FAM193A: variants seen among roughly 807,000 people sequenced by gnomAD.
The protein encoded by FAM193A is family with sequence similarity 193 member A.
A neutral mutation model predicts 126.5 loss-of-function variants in FAM193A; 22 were observed. The observed-to-expected ratio is 0.17, with a 90% confidence interval of 0.12 to 0.25. The LOEUF (loss-of-function observed/expected upper bound fraction) is 0.25. FAM193A is among the 10% of genes least tolerant of loss of function. The pLI is 1.00. For synonymous variants in FAM193A, 761 were observed against 646.8 expected (o/e 1.18, Z -2.68); for missense variants, 1,675 against 1,672.8 (o/e 1.00, Z -0.02).
chr4:2,569,962 T>C (rs1056686465), intron 1 of FAM193A, among the ~76,000 whole-genome samples: 1 of 152,138 alleles, frequency 6.6e-6, no homozygotes, highest in Non-Finnish European at 1.5e-5. Flanking sequence ...GACCATAATT[T>C]GATTTCGTCT....
At chr4:2,575,609 G>A (rs113863592) in intron 1 of FAM193A, among the ~76,000 whole-genome samples, 20 of 150,808 alleles carry the variant, frequency 1.3e-4, no homozygotes, top group African/African-American at 4.4e-4. Flanking sequence ...TGGGATTACA[G>A]GCGCCCACCA....
Position 2,626,451 on chromosome 4 carries a change from A to G in FAM193A, c.677A>G (p.Gln226Arg). 1.4e-6 allele frequency: 1 copy of G among 700,898 alleles called. No individual in the cohort carries two copies. The highest frequency in any genetic ancestry group is 2.6e-6 in the Non-Finnish European group (1 of 383,312). The allele number at this position is 700,898 out of a possible 1,614,324, so 43.4% of individuals were successfully genotyped here. A position where few individuals can be genotyped will look rare whatever the true frequency, so the allele number is the denominator to read the frequency against. ...GCGGACCGGGAACCTCAGCAGCTGC[A>G]GAACTACTGGTCAGAAGTGCGCTAC... ...AEADREPQQL[Q>R]NYWSEVRYTV... The change falls in exon 4 of 21, where the codon CAG becomes CGG. Residue 226 changes from glutamine to arginine, a missense_variant. Around this residue, in one of 4 missense-constraint regions of FAM193A, gnomAD observed 1,186 missense variants for 1,109.2 expected, o/e 1.07. Coordinates refer to ENST00000637812, the MANE Select transcript of FAM193A (RefSeq NM_001366318.2).
chr4:2,718,987 C>T (rs1225836606), intron 20 of FAM193A, among the ~76,000 whole-genome samples: 1 of 152,042 alleles, frequency 6.6e-6, no homozygotes, highest in Non-Finnish European at 1.5e-5. Flanking sequence ...AACTTTCAGA[C>T]TTTGAAAGAA....
chr4:2,598,947 C>T (rs545670004), intron 2 of FAM193A, among the ~76,000 whole-genome samples: 9 of 152,322 alleles, frequency 5.9e-5, no homozygotes, highest in African/African-American at 2.2e-4. Flanking sequence ...GCGAGCCCAC[C>T]TCTGCCCGGT....
chr4:2,576,112 T>A (rs974485333), intron 1 of FAM193A, among the ~76,000 whole-genome samples: 2 of 150,182 alleles, frequency 1.3e-5, no homozygotes, highest in African/African-American at 2.4e-5. Context: ...TTATTTATTT[T>A]TTGAGATGGA....
intron 6 of FAM193A, 117 bp downstream of exon 6, chr4:2,639,976 A>C (rs1395564665): frequency 1.1e-5 from 11 of 1,005,406 alleles, no homozygotes; most frequent in Non-Finnish European, 1.4e-5. Context: ...GAAAAATAAC[A>C]GGGCTTAAAG....
At chr4:2,731,475 C>G (rs1721384593) in intron 20 of FAM193A, among the ~76,000 whole-genome samples, 1 of 152,092 alleles carries the variant, frequency 6.6e-6, no homozygotes. Context: ...TATGAGCCAC[C>G]ACACCCTGCC....
In FAM193A at chr4:2,626,414, A is replaced by G; in HGVS notation, c.640A>G (p.Ile214Val). 1.4e-6 allele frequency: 1 copy of G among 698,976 alleles called. No individual in the cohort carries two copies. The highest frequency in any genetic ancestry group is 2.6e-6 in the Non-Finnish European group (1 of 381,668). The allele number at this position is 698,976 out of a possible 1,614,324, so 43.3% of individuals were successfully genotyped here. A position where few individuals can be genotyped will look rare whatever the true frequency, so the allele number is the denominator to read the frequency against. Residue 214 changes from isoleucine (I) to valine (V), a missense_variant, in exon 4 of 21, where the codon ATT becomes GTT. This residue lies in a region of FAM193A where 1,186 missense variants were observed against 1,109.2 expected (regional missense o/e 1.07). Transcript: ENST00000637812. ...CCTTCCTGTGTTGTCTCACAGAGAA[A>G]TTTCGGCAGAGGCGGACCGGGAACC... ...SCEACSERRE[I>V]SAEADREPQQ...
intron 1 of FAM193A, among the ~76,000 whole-genome samples, chr4:2,559,223 C>A (rs1473817940): frequency 6.6e-6 from 1 of 152,124 alleles, no homozygotes; most frequent in African/African-American, 2.4e-5. Context: ...ATGCATAGAA[C>A]TTCAGAACTG....
At chr4:2,633,423 A>G in intron 5 of FAM193A, among the ~76,000 whole-genome samples, 1 of 152,032 alleles carries the variant, frequency 6.6e-6, no homozygotes. Flanking sequence ...ACAAAATAAA[A>G]AAGAAATAAT....
At chr4:2,571,923 C>T (rs1014428474) in intron 1 of FAM193A, among the ~76,000 whole-genome samples, 50 of 151,350 alleles carry the variant, frequency 3.3e-4, no homozygotes, top group Admixed American at 5.3e-4. Flanking sequence ...CCCAGCACTT[C>T]GAGAGGCTGA....
At position 2,701,367 on chromosome 4, in the gene FAM193A, T is replaced by G. The variant is rs572369265; in HGVS notation, c.4372+823T>G. Among the ~76,000 whole-genome samples, 264 of 152,186 alleles carry G rather than the reference T, an allele frequency of 1.7e-3. 1 individual carries two copies. Among genetic ancestry groups the G allele is most frequent in the Non-Finnish European group, 3.2e-3 (215 of 68,008 alleles). ...CCCATGTCGTATCTCTTTAATTTCC[T>G]TTCCTTTGGATCGGTTTCTCTGTTT... On this transcript the variant is annotated intron_variant, in intron 19 of 20. Transcript: ENST00000637812.
At chr4:2,566,204 C>T (rs568660654) in intron 1 of FAM193A, among the ~76,000 whole-genome samples, 49 of 152,182 alleles carry the variant, frequency 3.2e-4, no homozygotes, top group Admixed American at 2.8e-3. Flanking sequence ...CCCGCCACCT[C>T]GCCCGGCTAA....
chr4:2,591,324 G>C (rs543978163), intron 1 of FAM193A, among the ~76,000 whole-genome samples: 1 of 152,262 alleles, frequency 6.6e-6, no homozygotes, highest in Non-Finnish European at 1.5e-5. Flanking sequence ...CTGACCAAGG[G>C]CCTGGTGTAT....
At chr4:2,700,578 C>G (rs369620268) in intron 19 of FAM193A, 34 bp downstream of exon 19, 1 of 1,581,304 alleles carries the variant, frequency 6.3e-7, no homozygotes, top group Admixed American at 1.8e-5. Context: ...TATTTCTGAG[C>G]GATGCCTGGT....
chr4:2,636,015 A>C (rs1382205602), intron 5 of FAM193A, among the ~76,000 whole-genome samples: 4 of 132,926 alleles, frequency 3.0e-5, no homozygotes, highest in Admixed American at 2.8e-4. Context: ...TTTTTTTTTG[A>C]GACGGAGTCT....
intron 20 of FAM193A, among the ~76,000 whole-genome samples, chr4:2,720,896 G>A (rs989401833): frequency 9.9e-5 from 15 of 152,170 alleles, no homozygotes; most frequent in Admixed American, 7.9e-4. Flanking sequence ...GTCAAGGACC[G>A]GGCATAGTGG....
chr4:2,558,089 A>G (rs545276280), intron 1 of FAM193A, among the ~76,000 whole-genome samples: 85 of 152,268 alleles, frequency 5.6e-4, no homozygotes, highest in Admixed American at 8.5e-4. Flanking sequence ...TCTGGCCAAC[A>G]CGGTGAAACC....
At chr4:2,550,880 A>G (rs1354709598) in intron 1 of FAM193A, among the ~76,000 whole-genome samples, 1 of 150,798 alleles carries the variant, frequency 6.6e-6, no homozygotes, top group Non-Finnish European at 1.5e-5. Context: ...GGCTCACTGC[A>G]AGCTCTGCCT....
Sources: gnomAD v4.1 joint callset for allele counts (sites outside exome capture counted in the v4.1 genomes callset) on GRCh38, gnomAD v4.1.1 for gene constraint, gnomAD v4.1.1 regional missense constraint, MANE v1.5 for transcripts, NCBI Gene and HGNC (gene_info 2026-07-23, HGNC 2026-07-21) for gene names.